The following RERG variants were observed in gnomAD, a reference collection of about 807,000 sequenced individuals.
The protein encoded by RERG is RAS like estrogen regulated growth inhibitor.
A neutral mutation model predicts 23.2 loss-of-function variants in RERG; 25 were observed. The observed-to-expected ratio is 1.08, with a 90% CI of 0.79 to 1.50. The LOEUF (loss-of-function observed/expected upper bound fraction) is 1.50, where lower values mean the gene tolerates loss of function less well. Among genes scored for constraint, RERG ranks in the 40% most tolerant of loss-of-function variants. The pLI, the probability that RERG is intolerant of heterozygous loss-of-function variation, is 0.00. For missense variants in RERG, 253 were observed against 250.1 expected (o/e 1.01, Z -0.08); for synonymous variants, 81 against 89.1 (o/e 0.91, Z 0.51).
intron 2 of RERG, among the ~76,000 whole-genome samples, chr12:15,163,754 G>A (rs1343112609): frequency 6.6e-6 from 1 of 152,212 alleles, no homozygotes; most frequent in Non-Finnish European, 1.5e-5. Context: ...AGCATCTGGA[G>A]CTGTCCAGGA....
At chr12:15,141,074 T>G (rs766343835) in intron 2 of RERG, among the ~76,000 whole-genome samples, 2 of 152,122 alleles carry the variant, frequency 1.3e-5, no homozygotes, top group Non-Finnish European at 2.9e-5. Context: ...AGATACCCAG[T>G]GTGGAGAGTG....
At chr12:15,116,942 T>C (rs1863732053) in intron 3 of RERG, among the ~76,000 whole-genome samples, 1 of 152,102 alleles carries the variant, frequency 6.6e-6, no homozygotes, top group East Asian at 1.9e-4. Context: ...TGAACCAAAA[T>C]ATAGTATACT....
At chr12:15,110,391 T>TG (rs1591630366) in intron 4 of RERG, among the ~76,000 whole-genome samples, 1 of 150,994 alleles carries the variant, frequency 6.6e-6, no homozygotes, top group Non-Finnish European at 1.5e-5. Flanking sequence ...CAAGTCTTTT[T>TG]GGGGGTCACA....
chr12:15,147,064 A>G (rs537128857), intron 2 of RERG, among the ~76,000 whole-genome samples: 1 of 145,768 alleles, frequency 6.9e-6, no homozygotes, highest in Non-Finnish European at 1.5e-5. Flanking sequence ...AATTCAGTGA[A>G]GCCAAAAAAA....
At chr12:15,212,042 C>CTTTTTTTTTTTTTTTTTTTTT (rs772353150) in intron 2 of RERG, among the ~76,000 whole-genome samples, 11 of 64,716 alleles carry the variant, frequency 1.7e-4, no homozygotes, top group Non-Finnish European at 2.7e-4. Flanking sequence ...CACGAATAAA[C>CTTTTTTTTTTTTTTTTTTTTT]TTTTTTTTTT....
intron 2 of RERG, among the ~76,000 whole-genome samples, chr12:15,210,431 T>C (rs537418263): frequency 6.6e-6 from 1 of 152,222 alleles, no homozygotes; most frequent in Non-Finnish European, 1.5e-5. Flanking sequence ...AAATAATTCT[T>C]AATTTTGTTT....
intron 2 of RERG, among the ~76,000 whole-genome samples, chr12:15,192,235 A>G (rs1049615435): frequency 5.9e-5 from 9 of 152,130 alleles, no homozygotes; most frequent in Non-Finnish European, 1.5e-5. Flanking sequence ...TGCTCCTGCT[A>G]TGCGATATGC....
chr12:15,197,627 G>C (rs565253039), intron 2 of RERG, among the ~76,000 whole-genome samples: 2 of 152,040 alleles, frequency 1.3e-5, no homozygotes, highest in Non-Finnish European at 2.9e-5. Flanking sequence ...TAAAATAGTC[G>C]GTAGAGTGCC....
intron 2 of RERG, among the ~76,000 whole-genome samples, chr12:15,129,606 C>G (rs1591639192): frequency 6.6e-6 from 1 of 151,980 alleles, no homozygotes; most frequent in East Asian, 1.9e-4. Flanking sequence ...TAAGCTGAGT[C>G]TTAGAAGATT....
intron 2 of RERG, among the ~76,000 whole-genome samples, chr12:15,146,514 C>T (rs377466110): frequency 2.8e-3 from 430 of 152,236 alleles, no homozygotes; most frequent in Middle Eastern, 0.017. Context: ...ATTTTATTCC[C>T]TTTTCACAGA....
In RERG at chr12:15,108,873, T is replaced by A; in HGVS notation, c.*237A>T. On this transcript the variant is annotated 3_prime_UTR_variant, in exon 5 of 5. Coordinates refer to ENST00000256953, the MANE Select transcript of RERG (RefSeq NM_032918.3). ...CAGTCATTTCAGAATCTCTGGTGAT[T>A]ACATGTTCAAATGCCATTAGAGTGT... The A allele has an allele frequency of 2.4e-6, 1 of 411,716 alleles. No individual in the cohort carries two copies. Among genetic ancestry groups the A allele is most frequent in the East Asian group, 3.7e-5 (1 of 26,704 alleles). 25.5% of individuals were successfully genotyped at this position (411,716 alleles called of 1,614,324 possible).
At chr12:15,189,069 T>C (rs187830300) in intron 2 of RERG, among the ~76,000 whole-genome samples, 1 of 152,204 alleles carries the variant, frequency 6.6e-6, no homozygotes, top group Admixed American at 6.5e-5. Context: ...ATTATTGCAG[T>C]AGCCTCCTAA....
intron 2 of RERG, among the ~76,000 whole-genome samples, chr12:15,149,759 C>A (rs1199643228): frequency 6.6e-6 from 1 of 152,108 alleles, no homozygotes; most frequent in Non-Finnish European, 1.5e-5. Context: ...TGCCAACATG[C>A]CAATTCACAT....
intron 2 of RERG, among the ~76,000 whole-genome samples, chr12:15,121,370 A>C (rs1015456456): frequency 6.6e-6 from 1 of 152,230 alleles, no homozygotes; most frequent in African/African-American, 2.4e-5. Flanking sequence ...TGCTTTAGTC[A>C]CAAGGTTAAA....
chr12:15,135,875 C>A (rs1269213895), intron 2 of RERG, among the ~76,000 whole-genome samples: 1 of 151,940 alleles, frequency 6.6e-6, no homozygotes, highest in African/African-American at 2.4e-5. Context: ...CCCTGTAATA[C>A]CTTTGCCTGC....
chr12:15,141,567 C>T (rs912097409), intron 2 of RERG, among the ~76,000 whole-genome samples: 2 of 152,122 alleles, frequency 1.3e-5, no homozygotes, highest in Admixed American at 6.5e-5. Flanking sequence ...TATTAGAGAA[C>T]ATTTCACAGT....
intron 2 of RERG, chr12:15,137,736 G>T: frequency 2.9e-6 from 1 of 341,932 alleles, no homozygotes; most frequent in Non-Finnish European, 5.7e-6. Flanking sequence ...TTATACATGA[G>T]CAATTATAAA....
At chr12:15,113,321 G>A (rs1863658822) in intron 3 of RERG, among the ~76,000 whole-genome samples, 1 of 151,922 alleles carries the variant, frequency 6.6e-6, no homozygotes, top group Non-Finnish European at 1.5e-5. Flanking sequence ...AAAACATCAT[G>A]AAAAAGAAAA....
intron 2 of RERG, among the ~76,000 whole-genome samples, chr12:15,130,624 T>C (rs1375996079): frequency 6.6e-6 from 1 of 152,172 alleles, no homozygotes; most frequent in African/African-American, 2.4e-5. Context: ...AAATTTAAAA[T>C]GAATGCTATA....
Sources: allele counts gnomAD v4.1 joint callset (sites outside exome capture counted in the v4.1 genomes callset), GRCh38; gene constraint gnomAD v4.1.1; transcripts MANE v1.5; gene names NCBI Gene and HGNC (gene_info 2026-07-23, HGNC 2026-07-21).